The following CPVL variants were observed in gnomAD, a reference collection of about 807,000 sequenced individuals.
The protein encoded by CPVL is carboxypeptidase vitellogenic like, also known as probable serine carboxypeptidase CPVL.
Under a neutral mutation model 63.7 loss-of-function variants are expected in CPVL, and 51 were observed. The observed-to-expected ratio is 0.80, with a 90% confidence interval of 0.64 to 1.01. The LOEUF (loss-of-function observed/expected upper bound fraction) is 1.01, where lower values mean the gene tolerates loss of function less well. Ranked by LOEUF, CPVL falls within the 50% of genes least tolerant of loss-of-function variation. The pLI is 0.00. For synonymous variants in CPVL, 195 were observed against 206.0 expected, an observed-to-expected ratio of 0.95 and a Z score of 0.46; for missense variants, 530 against 573.1, an observed-to-expected ratio of 0.92 and a Z score of 0.77.
chr7:29,023,520 T>C (rs1787211872), intron 12 of CPVL, among the ~76,000 whole-genome samples: 1 of 152,072 alleles, frequency 6.6e-6, no homozygotes, highest in South Asian at 2.1e-4. Flanking sequence ...GAGATTTGGG[T>C]AGGGACTCAG....
intron 12 of CPVL, among the ~76,000 whole-genome samples, chr7:29,023,515 T>G (rs317740): frequency 0.45 from 68,581 of 152,002 alleles, 16,999 homozygotes; most frequent in African/African-American, 0.67. Flanking sequence ...AGGATGAGAT[T>G]TGGGTAGGGA....
chr7:29,068,483 G>A (rs1257650706), intron 9 of CPVL, among the ~76,000 whole-genome samples: 3 of 152,112 alleles, frequency 2.0e-5, no homozygotes, highest in Non-Finnish European at 4.4e-5. Context: ...ACATCTGGTT[G>A]TGCAGCTCCA....
intron 11 of CPVL, among the ~76,000 whole-genome samples, chr7:29,052,459 C>G (rs1410704602): frequency 8.2e-6 from 1 of 122,358 alleles, no homozygotes; most frequent in African/African-American, 3.1e-5. Context: ...AAAAAAAAAC[C>G]AAACCAAAAG....
At chr7:29,166,195 T>C (rs1795894375) in intron 5 of CPVL, among the ~76,000 whole-genome samples, 1 of 151,922 alleles carries the variant, frequency 6.6e-6, no homozygotes, top group Non-Finnish European at 1.5e-5. Flanking sequence ...CACATCCAGT[T>C]TTTTTTTGTT....
At chr7:29,123,628 A>AAAAAATATAT (rs1562780901) in intron 1 of CPVL, among the ~76,000 whole-genome samples, 1 of 41,764 alleles carries the variant, frequency 2.4e-5, no homozygotes, top group Non-Finnish European at 3.9e-5. Context: ...AAAAAAAAAA[A>AAAAAATATAT]ATATATATAT....
chr7:29,060,965 C>G (rs1246049515), intron 11 of CPVL, among the ~76,000 whole-genome samples: 2 of 152,202 alleles, frequency 1.3e-5, no homozygotes, highest in African/African-American at 2.4e-5. Context: ...TAATCACTAT[C>G]CCAAGCGCTT....
At chr7:29,023,286 C>T (rs1000349982) in intron 12 of CPVL, among the ~76,000 whole-genome samples, 6 of 152,090 alleles carry the variant, frequency 3.9e-5, no homozygotes, top group Admixed American at 2.0e-4. Flanking sequence ...GGCAGGGGGG[C>T]TCACAAACAT....
chr7:29,140,032 C>T (rs1038536341), intron 1 of CPVL, among the ~76,000 whole-genome samples: 10 of 152,310 alleles, frequency 6.6e-5, no homozygotes, highest in Admixed American at 3.3e-4. Context: ...TCACGTTCTA[C>T]ATTTCTTGTT....
chr7:29,154,393 C>G (rs978401415), intron 5 of CPVL, among the ~76,000 whole-genome samples: 8 of 152,190 alleles, frequency 5.3e-5, no homozygotes, highest in Non-Finnish European at 1.2e-4. Context: ...CTCTTTGCCT[C>G]CCTTCACCTG....
Position 29,194,934 on chromosome 7 carries a change from G to A in CPVL, c.-448+143C>T, listed in dbSNP as rs780164392. 70 of 1,565,768 alleles carry A rather than the reference G, an allele frequency of 4.5e-5. No individual in the cohort carries two copies. The South Asian group carries it at 7.7e-4, about 17-fold the overall frequency. ...CTGAGCGAGCAGCGACGCGAGGGGC[G>A]CGCGGAGATGGCAGCGTCCAGCAAC... On this transcript the variant is annotated intron_variant, in intron 1 of 16. Transcript: ENST00000409850.
At chr7:29,095,409 G>C (rs1167861238) in intron 4 of CPVL, among the ~76,000 whole-genome samples, 1 of 151,988 alleles carries the variant, frequency 6.6e-6, no homozygotes, top group African/African-American at 2.4e-5. Flanking sequence ...GAACAAAGCT[G>C]GTTCATGAAA....
At chr7:29,091,507 G>T (rs536284810) in intron 6 of CPVL, among the ~76,000 whole-genome samples, 4 of 152,124 alleles carry the variant, frequency 2.6e-5, no homozygotes, top group African/African-American at 7.2e-5. Flanking sequence ...GAGGACTGCC[G>T]TCCGTTACGT....
intron 5 of CPVL, among the ~76,000 whole-genome samples, chr7:29,169,383 T>G (rs1320806115): frequency 1.3e-5 from 2 of 152,206 alleles, no homozygotes; most frequent in Admixed American, 6.5e-5. Context: ...TCCATTTTCA[T>G]ACCCCTCTAA....
At chr7:29,023,715 A>G (rs1225019746) in intron 12 of CPVL, among the ~76,000 whole-genome samples, 1 of 152,154 alleles carries the variant, frequency 6.6e-6, no homozygotes, top group Non-Finnish European at 1.5e-5. Context: ...CCACTGAGGA[A>G]CTCGAAGATA....
chr7:29,111,709 G>A (rs916082962), intron 3 of CPVL, among the ~76,000 whole-genome samples: 1 of 152,104 alleles, frequency 6.6e-6, no homozygotes, highest in African/African-American at 2.4e-5. Context: ...TGAGAGAGCA[G>A]GAAAGAAAAG....
At chr7:29,153,705 G>T (rs1223878569) in intron 5 of CPVL, among the ~76,000 whole-genome samples, 1 of 152,114 alleles carries the variant, frequency 6.6e-6, no homozygotes, top group Non-Finnish European at 1.5e-5. Context: ...GAGTGGCTGG[G>T]ATTACAGGTG....
At chr7:29,096,065 A>G (rs746789769) in intron 4 of CPVL, 38 bp downstream of exon 4, 2 of 1,513,322 alleles carry the variant, frequency 1.3e-6, no homozygotes, top group East Asian at 4.5e-5. Context: ...GGCTCAGATG[A>G]AAGATTCTAT....
intron 5 of CPVL, 86 bp downstream of exon 5, chr7:29,094,998 A>AT (rs1001629588): frequency 2.1e-6 from 2 of 949,596 alleles, no homozygotes; most frequent in Non-Finnish European, 3.3e-6. Flanking sequence ...AACGAAATCT[A>AT]TTTTTTAAAT....
At chr7:29,012,992 C>A (rs1440186416) in intron 12 of CPVL, 1 of 152,224 alleles carries the variant, frequency 6.6e-6, no homozygotes, top group African/African-American at 2.4e-5. Context: ...GCTCCAGATT[C>A]TTTGCCATTC....
Sources: allele counts gnomAD v4.1 joint callset (sites outside exome capture counted in the v4.1 genomes callset), GRCh38; gene constraint gnomAD v4.1.1; transcripts MANE v1.5; gene names NCBI Gene and HGNC (gene_info 2026-07-23, HGNC 2026-07-21).